The following DNMT1 variants were observed in gnomAD, a reference collection of about 807,000 sequenced individuals.
The protein encoded by DNMT1 is DNA (cytosine-5)-methyltransferase 1.
In DNMT1, 24 loss-of-function variants were observed where a neutral mutation model predicts 205.3. The observed-to-expected ratio is 0.12, with a 90% CI of 0.08 to 0.16. DNMT1 has a LOEUF of 0.16. Among genes scored for constraint, DNMT1 ranks in the 10% least tolerant of loss-of-function variants. The pLI is 1.00. For synonymous variants in DNMT1, 817 were observed against 839.8 expected, an observed-to-expected ratio of 0.97 and a Z score of 0.47; for missense variants, 1,293 against 2,177.7, an observed-to-expected ratio of 0.59 and a Z score of 8.09.
rs148987580 is a variant in DNMT1 at position 10,149,652 on chromosome 19, G to A, written c.2387C>T (p.Thr796Met). ...SSKPLYLARVTALWEDSSNGQ... is the reference protein window; with the variant it reads ...SSKPLYLARVMALWEDSSNGQ... ...GTTGCTGCTGTCCTCCCACAGCGCC[G>A]TGACCCTGGAATCAGAAGACGGGCA... The change falls in exon 26 of 41, where the codon ACG becomes ATG. Residue 796 changes from threonine (T) to methionine (M), a missense_variant. Physicochemically the swap from Thr to Met is moderately conservative, Grantham distance 81. Around this residue, in one of 13 missense-constraint regions of DNMT1, gnomAD observed 197 missense variants for 353.6 expected, o/e 0.56. Coordinates refer to ENST00000359526, the MANE Select transcript of DNMT1 (RefSeq NM_001130823.3). 100 of 1,613,536 alleles carry A rather than the reference G, an allele frequency of 6.2e-5. 1 individual carries two copies. The highest frequency in any genetic ancestry group is 8.1e-5 in the Non-Finnish European group (95 of 1,180,044).
intron 7 of DNMT1, 63 bp from the exon 8 acceptor site, chr19:10,173,968 C>T: frequency 1.3e-6 from 2 of 1,495,420 alleles, no homozygotes; most frequent in South Asian, 2.3e-5. Context: ...AGGTCAACAC[C>T]AAAAGTGTGA....
intron 13 of DNMT1, among the ~76,000 whole-genome samples, chr19:10,160,847 A>G (rs142630834): frequency 0.069 from 10,437 of 152,328 alleles, 462 homozygotes; most frequent in Non-Finnish European, 0.098. Flanking sequence ...AGATCATGCC[A>G]CTGCATTCCA....
chr19:10,165,307 G>A (rs545729729), intron 11 of DNMT1, among the ~76,000 whole-genome samples: 2 of 152,256 alleles, frequency 1.3e-5, no homozygotes, highest in African/African-American at 4.8e-5. Flanking sequence ...AGCTTTGGGA[G>A]GCAGAGATGG....
chr19:10,177,507 T>C, intron 5 of DNMT1, 140 bp from the exon 6 acceptor site: 1 of 816,582 alleles, frequency 1.2e-6, no homozygotes, highest in Non-Finnish European at 1.9e-6. Context: ...GCATTTTTAT[T>C]CTAGTCAACA....
rs748449856 is a variant in DNMT1 at position 10,166,655 on chromosome 19, C to T, written c.834G>A (p.Pro278=). 8.1e-6 allele frequency: 13 copies of T among 1,614,054 alleles called. No individual in the cohort carries two copies. The highest frequency in any genetic ancestry group is 6.7e-5 in the East Asian group (3 of 44,896). ...PTPKQKLKEE[P]DREARAGVQA... The stretch of plus-strand genomic sequence containing the variant: ...GCACGCCTGCCCTGGCTTCTCTGTC[C>T]GGCTCCTCCTTCAGTTTCTGTTTGG... Residue 278 remains proline (P), a synonymous_variant, in exon 11 of 41, where the codon CCG becomes CCA. Coordinates refer to ENST00000359526, the MANE Select transcript of DNMT1 (RefSeq NM_001130823.3).
rs776248336 is a variant in DNMT1, at chr19:10,136,286, G to A, written c.4491C>T (p.Ala1497=). Residue 1497 remains alanine (A), a splice_region_variant and synonymous_variant, in exon 38 of 41, where the codon GCC becomes GCT. Coordinates refer to ENST00000359526, the MANE Select transcript of DNMT1 (RefSeq NM_001130823.3). ...TGGCTGCGGGGTCGCAGGCTTTGCC[G>A]GCTGGAAGACAGGACAGTGATGAGG... The part of the protein sequence containing the change: ...ALRGVCSCVE[A]GKACDPAARQ... 39 of 1,613,672 alleles carry A rather than the reference G, an allele frequency of 2.4e-5. No individual in the cohort carries two copies. The highest frequency in any genetic ancestry group is 4.4e-5 in the South Asian group (4 of 91,058).
At chr19:10,165,393 T>C (rs943251052) in intron 11 of DNMT1, among the ~76,000 whole-genome samples, 1 of 152,104 alleles carries the variant, frequency 6.6e-6, no homozygotes, top group African/African-American at 2.4e-5. Context: ...TTTATTATTA[T>C]TACCATATTA....
Position 10,156,586 on chromosome 19 carries a change from G to A in DNMT1, c.1281-77C>T, listed in dbSNP as rs541006007. On this transcript the variant is annotated intron_variant, in intron 17 of 40. Transcript: ENST00000359526. The surrounding 1 kb of genome is among the most constrained non-coding windows in gnomAD (Gnocchi z 4.2). Reference sequence around the variant, plus strand: ...TTCGTGCAGACTTCAGATCAGGCACGAGGCAATGAGAGAATGTACAAGTCT... The same window carrying A: ...TTCGTGCAGACTTCAGATCAGGCACAAGGCAATGAGAGAATGTACAAGTCT... 441 of 990,404 alleles carry A rather than the reference G, an allele frequency of 4.5e-4. 2 individuals are homozygous for A. In the African/African-American group the frequency reaches 6.2e-3, roughly 14 times the overall value. 61.4% of individuals were successfully genotyped at this position (990,404 alleles called of 1,614,324 possible).
At chr19:10,161,425 G>C (rs1196307664) in intron 13 of DNMT1, among the ~76,000 whole-genome samples, 1 of 152,200 alleles carries the variant, frequency 6.6e-6, no homozygotes, top group Non-Finnish European at 1.5e-5. Flanking sequence ...CAGGTGGGAG[G>C]ACTGCTTGAG....
chr19:10,175,466 G>T, intron 7 of DNMT1, 74 bp downstream of exon 7: 1 of 1,567,686 alleles, frequency 6.4e-7, no homozygotes, highest in South Asian at 1.1e-5. Flanking sequence ...TACTTGGACA[G>T]AACACATATG....
rs904678810 is a variant in DNMT1 at position 10,136,067 on chromosome 19, GGCC to G, written c.4656+51_4656+53del. 5 of 1,611,440 alleles carry G rather than the reference GGCC, an allele frequency of 3.1e-6. No homozygotes were observed. The East Asian group carries it at 8.9e-5, about 29-fold the overall frequency. On this transcript the variant is annotated intron_variant, in intron 38 of 40. Coordinates refer to ENST00000359526, the MANE Select transcript of DNMT1 (RefSeq NM_001130823.3). ...CTAAACCCACACTTCCACCTAGTTA[GGCC>G]GCCAAGTACAGGGCCTGACCCAGGC...
chr19:10,151,491 G>A lies in DNMT1; in HGVS notation c.2172C>T (p.Asn724=). 4 of 1,614,118 alleles carry A rather than the reference G, an allele frequency of 2.5e-6. No homozygotes were observed. The highest frequency in any genetic ancestry group is 3.4e-6 in the Non-Finnish European group (4 of 1,180,034). The change falls in exon 24 of 41, where the codon AAC becomes AAT. Residue 724 remains asparagine, a synonymous_variant. Transcript: ENST00000359526. The surrounding 1 kb of genome is among the most constrained non-coding windows in gnomAD (Gnocchi z 5.0). ...EADDDEEVDD[N]IPEMPSPKKM... The stretch of plus-strand genomic sequence containing the variant: ...TTTTGGGTGACGGCATCTCTGGGAT[G>A]TTATCATCGACTTCCTCATCGTCAT...
chr19:10,162,428 C>A (rs1269855193), intron 13 of DNMT1, among the ~76,000 whole-genome samples: 2 of 151,312 alleles, frequency 1.3e-5, no homozygotes, highest in African/African-American at 4.9e-5. Flanking sequence ...CACCACCATG[C>A]CCAGATAATT....
At chr19:10,134,183 G>C in intron 40 of DNMT1, 34 bp downstream of exon 40, 1 of 1,612,248 alleles carries the variant, frequency 6.2e-7, no homozygotes. Context: ...AGGGCAGTCA[G>C]GCCCCAGAGG....
rs2039056533 is a variant in DNMT1, at chr19:10,182,057, T to C, written c.101A>G (p.Asp34Gly). 1.2e-6 allele frequency: 2 copies of C among 1,612,564 alleles called. No homozygotes were observed. The highest frequency in any genetic ancestry group is 1.1e-5 in the South Asian group (1 of 90,972). ...GGAGATTACCTTTTCTGTTAAGCTG[T>C]CTCTTTCCAAATCTTTGAGCCTGGG... ...VRRRLKDLER[D>G]SLTEKECVKE... The change falls in exon 2 of 41, where the codon GAC (aspartate) becomes GGC (glycine). Residue 34 changes from aspartate (D) to glycine (G), a missense_variant. Asp to Gly is a moderately conservative substitution (Grantham distance 94). This residue lies in a region of DNMT1 where 394 missense variants were observed against 451.6 expected (regional missense o/e 0.87). Transcript: ENST00000359526.
At position 10,137,135 on chromosome 19, in the gene DNMT1, T is replaced by C. The variant is rs764531629; in HGVS notation, c.4439A>G (p.Asn1480Ser). The part of the protein sequence containing the change: ...KLRYTHHDRK[N>S]GRSSSGALRG... ...GAGGGCCCCAGAGCTGCTGCGGCCG[T>C]TCTTCCTGTCATGGTGGGTATACCG... is the stretch of plus-strand genomic sequence containing the variant. The change falls in exon 37 of 41, where the codon AAC becomes AGC. Residue 1480 changes from asparagine (N) to serine (S), a missense_variant. Transcript: ENST00000359526. The surrounding 1 kb of genome is among the most constrained non-coding windows in gnomAD (Gnocchi z 6.4). 6.2e-7 allele frequency: 1 copy of C among 1,611,224 alleles called. No individual in the cohort carries two copies. Among genetic ancestry groups the C allele is most frequent in the Admixed American group, 1.7e-5 (1 of 59,678 alleles).
intron 30 of DNMT1, chr19:10,141,701 A>G (rs567760776): frequency 1.5e-3 from 538 of 364,482 alleles, no homozygotes; most frequent in African/African-American, 0.011. Flanking sequence ...ATACTAAGAC[A>G]CCAGTCAGGC....
chr19:10,164,053 T>C (rs952565649), intron 11 of DNMT1, among the ~76,000 whole-genome samples: 1 of 152,112 alleles, frequency 6.6e-6, no homozygotes, highest in Non-Finnish European at 1.5e-5. Context: ...GGACTCAAGG[T>C]CTTCAGGAAC....
chr19:10,158,290 G>T (rs1174157613), intron 17 of DNMT1, among the ~76,000 whole-genome samples: 1 of 152,180 alleles, frequency 6.6e-6, no homozygotes, highest in Non-Finnish European at 1.5e-5. Flanking sequence ...AGGCCTCGGG[G>T]GGCTAGCGGT....
Sources: allele counts gnomAD v4.1 joint callset (sites outside exome capture counted in the v4.1 genomes callset), GRCh38; gene constraint gnomAD v4.1.1; regional missense constraint gnomAD v4.1.1; non-coding constraint Gnocchi (gnomAD v3.1); transcripts MANE v1.5; gene names NCBI Gene and HGNC (gene_info 2026-07-23, HGNC 2026-07-21).